Variants in PHKB observed in about 807,000 individuals in gnomAD.
The protein encoded by PHKB is phosphorylase kinase regulatory subunit beta.
PHKB carries 122 observed loss-of-function variants against 152.1 expected under a neutral mutation model. That is an observed-to-expected ratio of 0.80 (90% CI 0.69 to 0.93). The LOEUF is 0.93. Ranked by LOEUF, PHKB falls within the 40% of genes least tolerant of loss-of-function variation. PHKB has a pLI of 0.00. For missense variants in PHKB, 1,304 were observed against 1,328.4 expected (o/e 0.98, Z 0.29); for synonymous variants, 436 against 464.9 (o/e 0.94, Z 0.80).
chr16:47,556,618 C>T (rs1179786579), intron 7 of PHKB, among the ~76,000 whole-genome samples: 1 of 152,120 alleles, frequency 6.6e-6, no homozygotes, highest in Non-Finnish European at 1.5e-5. Flanking sequence ...AGGGATGAAG[C>T]CCACTTGATC....
In PHKB at chr16:47,689,086, A is replaced by G. The variant is rs756848227; in HGVS notation, c.2676A>G (p.Gly892=). The stretch of plus-strand genomic sequence containing the variant: ...AGTATGAACTTCAGATCCGTGGCGG[A>G]GACAAGCCAGCCTTGGACTTGTATC... ...AMEYELQIRG[G]DKPALDLYQL... is the part of the protein sequence containing the mutation. Residue 892 remains glycine, a synonymous_variant, in exon 27 of 31, where the codon GGA becomes GGG. Coordinates refer to ENST00000323584, the MANE Select transcript of PHKB (RefSeq NM_000293.3). 90 of 1,613,922 alleles carry G rather than the reference A, an allele frequency of 5.6e-5. No individual in the cohort carries two copies. Among genetic ancestry groups the G allele is most frequent in the Non-Finnish European group, 7.6e-5 (90 of 1,179,958 alleles).
intron 26 of PHKB, among the ~76,000 whole-genome samples, chr16:47,677,352 T>A (rs939668755): frequency 6.6e-6 from 1 of 152,250 alleles, no homozygotes; most frequent in African/African-American, 2.4e-5. Context: ...TTCTTGCAGC[T>A]TTCCATCGTC....
rs115952885 is a variant in PHKB at position 47,575,670 on chromosome 16, T to G, written c.711-4625T>G. 1.5e-3 allele frequency among the ~76,000 whole-genome samples: 232 copies of G among 152,188 alleles called. 2 individuals carry two copies. The highest frequency in any genetic ancestry group is 5.4e-3 in the African/African-American group (223 of 41,524). On this transcript the variant is annotated intron_variant, in intron 7 of 30. Coordinates refer to ENST00000323584, the MANE Select transcript of PHKB (RefSeq NM_000293.3). ...GCTAAATAATGTGTACACATGGACA[T>G]AGAGTGTGGAATGATAGACATTGGA... is the stretch of plus-strand genomic sequence containing the variant.
intron 8 of PHKB, among the ~76,000 whole-genome samples, chr16:47,581,603 C>A (rs1434426482): frequency 6.6e-6 from 1 of 152,196 alleles, no homozygotes; most frequent in African/African-American, 2.4e-5. Context: ...GGTTTTCATG[C>A]AAATAAAAGT....
Position 47,499,844 on chromosome 16 carries a change from G to A in PHKB, c.255G>A (p.Gln85=). 1 of 1,614,176 alleles carries A rather than the reference G, an allele frequency of 6.2e-7. No individual in the cohort carries two copies. Among genetic ancestry groups the A allele is most frequent in the Non-Finnish European group, 8.5e-7 (1 of 1,180,034 alleles). The change falls in exon 3 of 31, where the codon CAG becomes CAA. Residue 85 remains glutamine (Q), a synonymous_variant. Transcript: ENST00000323584. ...TCGGDQKAKI[Q]DSLYCAAGAW... ...GTGGTGACCAGAAGGCCAAGATCCA[G>A]GACAGCCTATACTGCGCTGCTGGGG...
intron 13 of PHKB, among the ~76,000 whole-genome samples, chr16:47,604,506 C>G (rs1386710402): frequency 1.3e-5 from 2 of 152,116 alleles, no homozygotes; most frequent in African/African-American, 2.4e-5. Context: ...CTCCAAATAG[C>G]TCATTTCATA....
At chr16:47,571,604 A>T (rs868660540) in intron 7 of PHKB, among the ~76,000 whole-genome samples, 1 of 151,982 alleles carries the variant, frequency 6.6e-6, no homozygotes, top group Non-Finnish European at 1.5e-5. Flanking sequence ...CCCAGAGGGC[A>T]CTCCTCCCAA....
chr16:47,469,103 A>G (rs1188770451), intron 1 of PHKB, among the ~76,000 whole-genome samples: 1 of 152,186 alleles, frequency 6.6e-6, no homozygotes, highest in Non-Finnish European at 1.5e-5. Flanking sequence ...AATATAAGCT[A>G]TATAAAAGCA....
chr16:47,557,080 G>A (rs546066802), intron 7 of PHKB, among the ~76,000 whole-genome samples: 94 of 152,166 alleles, frequency 6.2e-4, no homozygotes, highest in South Asian at 8.3e-4. Flanking sequence ...ATAATGCCGC[G>A]TATCTACAAC....
rs1476847006 is a variant in PHKB, at chr16:47,661,780, C to G, written c.2258C>G (p.Pro753Arg). Residue 753 changes from proline (P) to arginine (R), a missense_variant, in exon 23 of 31, where the codon CCC becomes CGC. Pro to Arg is a moderately radical substitution (Grantham distance 103). Coordinates refer to ENST00000323584, the MANE Select transcript of PHKB (RefSeq NM_000293.3). ...GGTATACTGCTCAAAAGAGAAGGCC[C>G]CAACTTCATCACAAAGGAAGGTAAG... ...LLGILLKREG[P>R]NFITKEGTVS... is the part of the protein sequence containing the mutation. 1 of 1,612,436 alleles carries G rather than the reference C, an allele frequency of 6.2e-7. No homozygotes were observed. The highest frequency in any genetic ancestry group is 1.7e-5 in the Admixed American group (1 of 59,996).
chr16:47,489,888 A>G (rs1472191182), intron 1 of PHKB, among the ~76,000 whole-genome samples: 1 of 152,222 alleles, frequency 6.6e-6, no homozygotes, highest in Non-Finnish European at 1.5e-5. Context: ...GCAAACATCT[A>G]TATTGCCATA....
intron 20 of PHKB, 31 bp from the exon 21 acceptor site, chr16:47,660,475 G>A (rs748704560): frequency 6.4e-7 from 1 of 1,574,756 alleles, no homozygotes; most frequent in Non-Finnish European, 8.7e-7. Context: ...ATGTATCTAA[G>A]AGTTTCTAAT....
At chr16:47,516,213 A>G (rs897168290) in intron 6 of PHKB, among the ~76,000 whole-genome samples, 12 of 152,168 alleles carry the variant, frequency 7.9e-5, no homozygotes, top group African/African-American at 2.9e-4. Context: ...GGAGTGAGCC[A>G]CCGTGCCCGG....
chr16:47,660,578 T>G lies in PHKB; in HGVS notation c.2033+11T>G. 1 of 1,612,924 alleles carries G rather than the reference T, an allele frequency of 6.2e-7. No homozygotes were observed. The highest frequency in any genetic ancestry group is 1.1e-5 in the South Asian group (1 of 91,054). On this transcript the variant is annotated intron_variant, in intron 21 of 30. Coordinates refer to ENST00000323584, the MANE Select transcript of PHKB (RefSeq NM_000293.3). ...CAGTGACACAGAAGAGTAAGTCCCT[T>G]TGGGTTATTTCATTTTTGGGTTTTT...
At chr16:47,617,965 G>A (rs984180053) in intron 14 of PHKB, among the ~76,000 whole-genome samples, 4 of 152,248 alleles carry the variant, frequency 2.6e-5, no homozygotes, top group East Asian at 1.9e-4. Flanking sequence ...ATTGCTGACC[G>A]TGATTCCCTG....
intron 1 of PHKB, among the ~76,000 whole-genome samples, chr16:47,487,469 G>A (rs1970069927): frequency 6.6e-6 from 1 of 151,662 alleles, no homozygotes; most frequent in Non-Finnish European, 1.5e-5. Flanking sequence ...GGTTGAGGGA[G>A]TACATGTGCA....
intron 20 of PHKB, among the ~76,000 whole-genome samples, chr16:47,654,704 G>A (rs950751534): frequency 2.0e-5 from 3 of 151,288 alleles, no homozygotes; most frequent in Admixed American, 1.3e-4. Context: ...TCGCAAGGAC[G>A]GAAAACCGAA....
At chr16:47,552,926 T>A (rs918276517) in intron 7 of PHKB, among the ~76,000 whole-genome samples, 7 of 152,204 alleles carry the variant, frequency 4.6e-5, no homozygotes, top group African/African-American at 1.7e-4. Context: ...TGGGCTTCCC[T>A]TTGTGGGTAA....
At chr16:47,586,424 T>G (rs1490445379) in intron 8 of PHKB, among the ~76,000 whole-genome samples, 1 of 152,244 alleles carries the variant, frequency 6.6e-6, no homozygotes, top group African/African-American at 2.4e-5. Context: ...CCTCACCGAA[T>G]CACTGTTCAT....
Sources: allele counts gnomAD v4.1 joint callset (sites outside exome capture counted in the v4.1 genomes callset), GRCh38; gene constraint gnomAD v4.1.1; transcripts MANE v1.5; gene names NCBI Gene and HGNC (gene_info 2026-07-23, HGNC 2026-07-21).